Variants in DMTF1 observed in about 807,000 individuals in gnomAD.
The protein encoded by DMTF1 is cyclin-D-binding Myb-like transcription factor 1.
DMTF1 carries 39 observed loss-of-function variants against 91.1 expected under a neutral mutation model. The observed-to-expected ratio is 0.43, with a 90% CI of 0.33 to 0.56. The LOEUF is 0.56. DMTF1 is among the 20% of genes least tolerant of loss of function. DMTF1 has a pLI of 0.05. For synonymous variants in DMTF1, 338 were observed against 309.5 expected (o/e 1.09, Z -0.97); for missense variants, 750 against 914.5 (o/e 0.82, Z 2.32).
At position 87,190,138 on chromosome 7, in the gene DMTF1, A is replaced by T. The variant is rs78907604; in HGVS notation, c.1412-807A>T. ...GCATGTTCTATTTAACCTTGAGCAG[A>T]CGTTGATAAAGTCTGATCCTCAGTT... On this transcript the variant is annotated intron_variant, in intron 13 of 17. Coordinates refer to ENST00000331242, the MANE Select transcript of DMTF1 (RefSeq NM_001142327.2). Among the ~76,000 whole-genome samples the T allele has an allele frequency of 5.2e-3, 795 of 152,212 alleles. 4 individuals carry two copies. Among genetic ancestry groups the T allele is most frequent in the African/African-American group, 0.019 (771 of 41,558 alleles).
intron 14 of DMTF1, 129 bp downstream of exon 14, chr7:87,191,156 TTCTAC>T (rs1799670985): frequency 1.7e-6 from 1 of 604,534 alleles, no homozygotes; most frequent in South Asian, 2.2e-5. Context: ...TAAATCAGAC[TTCTAC>T]TTTTATAATT....
rs146381732 is a variant in DMTF1 at position 87,184,386 on chromosome 7, C to T, written c.821-11C>T. The T allele has an allele frequency of 1.6e-5, 25 of 1,611,856 alleles. No homozygotes were observed. In the African/African-American group the frequency reaches 1.7e-4, roughly 11 times the overall value. On this transcript the variant is annotated splice_polypyrimidine_tract_variant and intron_variant, in intron 10 of 17. Transcript: ENST00000331242. ...TTAGCAGTGGTAGTCTGGATGATTT[C>T]CTTTTTTCAGGGAAGTGGACAGAAG...
chr7:87,192,913 T>C (rs1209547598), intron 14 of DMTF1: 4 of 276,580 alleles, frequency 1.4e-5, no homozygotes, highest in Non-Finnish European at 2.7e-5. Context: ...GAGGGGTGAT[T>C]GGGTGTTGTG....
rs1230886872 is a variant in DMTF1, at chr7:87,187,671, C to G, written c.1202-421C>G. ...CTGTTTGGAAAAGAGAAGTTGCTAC[C>G]TCTAGACCAACAGTCAAGGGCCCTT... On this transcript the variant is annotated intron_variant, in intron 12 of 17. Coordinates refer to ENST00000331242, the MANE Select transcript of DMTF1 (RefSeq NM_001142327.2). The G allele has an allele frequency of 2.7e-5, 5 of 186,176 alleles. No individual in the cohort carries two copies. In the Admixed American group the frequency reaches 2.8e-4, roughly 10 times the overall value. The allele number at this position is 186,176 out of a possible 1,614,324, so 11.5% of individuals were successfully genotyped here.
chr7:87,159,659 T>C (rs950714784), intron 1 of DMTF1, among the ~76,000 whole-genome samples: 2 of 152,190 alleles, frequency 1.3e-5, no homozygotes, highest in African/African-American at 4.8e-5. Context: ...GTACATATGG[T>C]ATAACCCATT....
intron 1 of DMTF1, among the ~76,000 whole-genome samples, chr7:87,159,310 C>G (rs1024814245): frequency 2.0e-5 from 3 of 152,164 alleles, no homozygotes; most frequent in Non-Finnish European, 4.4e-5. Context: ...GTAAGCCACT[C>G]TCCACTGATA....
intron 7 of DMTF1, among the ~76,000 whole-genome samples, chr7:87,177,088 TTTTTTGCTGTGAAGTTTC>T (rs1333859264): frequency 6.6e-6 from 1 of 152,110 alleles, no homozygotes; most frequent in Non-Finnish European, 1.5e-5. Context: ...AATTTAGAAA[TTTTTTGCTGTGAAGTTTC>T]ATACATTCAA....
chr7:87,184,761 C>T, intron 11 of DMTF1, 136 bp downstream of exon 11: 1 of 780,850 alleles, frequency 1.3e-6, no homozygotes. Context: ...TGTTTAAGAT[C>T]TTAAGTATTT....
intron 1 of DMTF1, among the ~76,000 whole-genome samples, chr7:87,156,420 T>A (rs1244108194): frequency 6.6e-6 from 1 of 152,146 alleles, no homozygotes; most frequent in African/African-American, 2.4e-5. Flanking sequence ...TTTACCATCT[T>A]AAAACCAAGC....
In DMTF1 at chr7:87,165,064, C is replaced by CTG. The variant is rs748873479; in HGVS notation, c.109+15_109+16dup. 6.4e-6 allele frequency: 10 copies of CTG among 1,563,036 alleles called. No homozygotes were observed. Among genetic ancestry groups the CTG allele is most frequent in the Non-Finnish European group, 7.9e-6 (9 of 1,139,082 alleles). ...GCCCTCAGAATGGTAGGAGAACTTGCTGACATATAATTCTGACTCTCTGAA... is the reference window on the plus strand; with the variant it reads ...GCCCTCAGAATGGTAGGAGAACTTGCTGTGACATATAATTCTGACTCTCTGAA... On this transcript the variant is annotated intron_variant, in intron 3 of 17. Coordinates refer to ENST00000331242, the MANE Select transcript of DMTF1 (RefSeq NM_001142327.2).
At chr7:87,154,529 G>C (rs533514769) in intron 1 of DMTF1, 1 of 152,758 alleles carries the variant, frequency 6.5e-6, no homozygotes, top group African/African-American at 2.4e-5. Flanking sequence ...CATTTAATCA[G>C]TAAGTACTGG....
intron 7 of DMTF1, among the ~76,000 whole-genome samples, chr7:87,179,342 T>C (rs1796879983): frequency 6.6e-6 from 1 of 152,158 alleles, no homozygotes; most frequent in South Asian, 2.1e-4. Flanking sequence ...ATTTGATAGT[T>C]TATTCTTGGA....
intron 6 of DMTF1, among the ~76,000 whole-genome samples, chr7:87,174,260 T>G (rs1795749804): frequency 6.6e-6 from 1 of 152,228 alleles, no homozygotes; most frequent in Admixed American, 6.5e-5. Flanking sequence ...GGAGAAATTT[T>G]TCAAAAAGTT....
chr7:87,160,689 C>T (rs573190278), intron 1 of DMTF1, among the ~76,000 whole-genome samples: 2 of 152,276 alleles, frequency 1.3e-5, no homozygotes, highest in East Asian at 3.9e-4. Flanking sequence ...TCCATATTGC[C>T]AGATTACGTA....
At chr7:87,161,078 C>G (rs945957899) in intron 1 of DMTF1, among the ~76,000 whole-genome samples, 1 of 151,904 alleles carries the variant, frequency 6.6e-6, no homozygotes, top group Non-Finnish European at 1.5e-5. Flanking sequence ...AATAACCTAC[C>G]TTTTGAATCT....
chr7:87,181,429 G>T, intron 9 of DMTF1, 88 bp downstream of exon 9: 1 of 633,480 alleles, frequency 1.6e-6, no homozygotes, highest in Non-Finnish European at 2.8e-6. Flanking sequence ...AGAGGTTTTT[G>T]GCAGACTGGT....
Position 87,188,211 on chromosome 7 carries a change from C to G in DMTF1, c.1321C>G (p.Gln441Glu). The G allele has an allele frequency of 6.2e-7, 1 of 1,613,974 alleles. No homozygotes were observed. The highest frequency in any genetic ancestry group is 1.1e-5 in the South Asian group (1 of 91,088). ...SNTNSSVQHV[Q>E]IRVARLEDNT... ...TACCAATTCCAGTGTGCAGCATGTT[C>G]AGATAAGAGTTGCCCGCTTGGAAGA... Residue 441 changes from glutamine to glutamate, a missense_variant, in exon 13 of 18, where the codon CAG becomes GAG. Transcript: ENST00000331242.
At chr7:87,176,901 A>G (rs1312063233) in intron 7 of DMTF1, among the ~76,000 whole-genome samples, 10 of 152,146 alleles carry the variant, frequency 6.6e-5, no homozygotes, top group Non-Finnish European at 1.3e-4. Context: ...GATAAATGCA[A>G]GTAACGTCTA....
rs889643065 is a variant in DMTF1 at position 87,195,264 on chromosome 7, G to C, written c.*124G>C. On this transcript the variant is annotated 3_prime_UTR_variant, in exon 18 of 18. Coordinates refer to ENST00000331242, the MANE Select transcript of DMTF1 (RefSeq NM_001142327.2). The stretch of plus-strand genomic sequence containing the variant: ...CAATTTAAATAGCCACAGTCCTTAA[G>C]CCACACACATTGTTGCTGCTATGAC... 7.7e-6 allele frequency: 5 copies of C among 647,490 alleles called. No individual in the cohort carries two copies. Among genetic ancestry groups the C allele is most frequent in the African/African-American group, 7.4e-5 (4 of 54,378 alleles). 40.1% of individuals were successfully genotyped at this position (647,490 alleles called of 1,614,324 possible).
Sources: allele counts gnomAD v4.1 joint callset (sites outside exome capture counted in the v4.1 genomes callset), GRCh38; gene constraint gnomAD v4.1.1; transcripts MANE v1.5; gene names NCBI Gene and HGNC (gene_info 2026-07-23, HGNC 2026-07-21).